XPC: variants seen among roughly 807,000 people sequenced by gnomAD.
XPC encodes DNA repair protein complementing XP-C cells.
Under a neutral mutation model 95.8 loss-of-function variants are expected in XPC, and 76 were observed. The ratio of observed to expected loss-of-function variants is 0.79; its 90% CI spans 0.66 to 0.96. The LOEUF is 0.96. XPC is among the 40% of genes least tolerant of loss of function. The pLI is 0.00. For missense variants in XPC, 1,146 were observed against 1,179.8 expected (o/e 0.97, Z 0.42); for synonymous variants, 442 against 442.1 (o/e 1.00, Z 0.00).
Position 14,148,863 on chromosome 3 carries a change from C to G in XPC, c.2201G>C (p.Gly734Ala), listed in dbSNP as rs181468507. 6.2e-7 allele frequency: 1 copy of G among 1,614,040 alleles called. No homozygotes were observed. Among genetic ancestry groups the G allele is most frequent in the East Asian group, 2.2e-5 (1 of 44,882 alleles). ...CTGATACTCCTCTGTCTGCCAGTAG[C>G]CAAACAGGCCCAGGTCATTTTCTTC... ...LREENDLGLF[G>A]YWQTEEYQPP... Residue 734 changes from glycine to alanine, a missense_variant, in exon 12 of 16, where the codon GGC (glycine) becomes GCC (alanine). Transcript: ENST00000285021.
intron 10 of XPC, among the ~76,000 whole-genome samples, chr3:14,154,433 T>TG (rs1695819182): frequency 6.6e-6 from 1 of 152,036 alleles, no homozygotes; most frequent in Non-Finnish European, 1.5e-5. Context: ...ACAAACAAAA[T>TG]GTGGTCCACC....
In XPC at chr3:14,148,728, G is replaced by A. The variant is rs766223201; in HGVS notation, c.2254C>T (p.Pro752Ser). Residue 752 changes from proline to serine, a missense_variant, in exon 13 of 16, where the codon CCC (proline) becomes TCC (serine). Transcript: ENST00000285021. ...QPPVAVDGKV[P>S]RNEFGNVYLF... ...TACACATTCCCAAACTCGTTCCGGG[G>A]CACCTGTGTCGGGTGAGCAAGTCAG... The A allele has an allele frequency of 6.2e-7, 1 of 1,614,008 alleles. No homozygotes were observed. The highest frequency in any genetic ancestry group is 8.5e-7 in the Non-Finnish European group (1 of 1,179,872).
intron 11 of XPC, among the ~76,000 whole-genome samples, chr3:14,150,242 G>A (rs961241296): frequency 1.1e-4 from 16 of 152,234 alleles, no homozygotes; most frequent in Non-Finnish European, 2.1e-4. Flanking sequence ...AGGCATGGGC[G>A]TGCGGCTGAG....
rs771360965 is a variant in XPC, at chr3:14,178,591, A to C, written c.-23T>G. The C allele has an allele frequency of 1.2e-6, 2 of 1,612,100 alleles. No homozygotes were observed. The highest frequency in any genetic ancestry group is 2.2e-5 in the South Asian group (2 of 91,048). Reference sequence around the variant, plus strand: ...CATGTTGCTTGTCTGGGCAAATTCCACTTCGCGAGTGACGCACCCGGCCGC... The same window carrying C: ...CATGTTGCTTGTCTGGGCAAATTCCCCTTCGCGAGTGACGCACCCGGCCGC... On this transcript the variant is annotated 5_prime_UTR_variant, in exon 1 of 16. Transcript: ENST00000285021.
rs1244244600 is a variant in XPC at position 14,146,151 on chromosome 3, T to G, written c.2613A>C (p.Ala871=). The G allele has an allele frequency of 2.5e-6, 4 of 1,607,442 alleles. No individual in the cohort carries two copies. Among genetic ancestry groups the G allele is most frequent in the Non-Finnish European group, 3.4e-6 (4 of 1,177,964 alleles). The part of the protein sequence containing the change: ...LKRRYGPKSE[A]AAPHTDAGGG... ...CTCCTGCATCTGTGTGGGGAGCTGCTGCCTCACTCTGGACAGGTGGCAGTG... is the reference window on the plus strand; with the variant it reads ...CTCCTGCATCTGTGTGGGGAGCTGCGGCCTCACTCTGGACAGGTGGCAGTG... Residue 871 remains alanine (A), a synonymous_variant, in exon 16 of 16, where the codon GCA becomes GCC. Transcript: ENST00000285021.
In XPC at chr3:14,158,619, GCT is replaced by G. The variant is rs2125026015; in HGVS notation, c.1262_1263del (p.Glu421AlafsTer10). On this transcript the variant is annotated frameshift_variant, in exon 9 of 16. Transcript: ENST00000285021. LOFTEE classifies it high-confidence loss of function. The surrounding 1 kb of genome is among the most constrained non-coding windows in gnomAD (Gnocchi z 5.2). ...TAAGACACCCTGGAGGCCACCCGCC[GCT>G]CCCGGCCATGCGGACGTCGCTGGGT... is the stretch of plus-strand genomic sequence containing the variant. The part of the protein sequence containing the change: ...KATQRRPHGR[E>X]RRVASRVSYK... 7 of 1,613,786 alleles carry G rather than the reference GCT, an allele frequency of 4.3e-6. No homozygotes were observed. Among genetic ancestry groups the G allele is most frequent in the African/African-American group, 1.3e-5 (1 of 75,004 alleles).
chr3:14,165,171 A>G (rs546209647), intron 6 of XPC, among the ~76,000 whole-genome samples: 2 of 152,284 alleles, frequency 1.3e-5, no homozygotes, highest in South Asian at 4.1e-4. Context: ...GTGAGCCTGC[A>G]GTCCCCAGAA....
In XPC at chr3:14,168,329, C is replaced by G; in HGVS notation, c.464G>C (p.Arg155Pro). The G allele has an allele frequency of 6.2e-7, 1 of 1,613,910 alleles. No homozygotes were observed. Among genetic ancestry groups the G allele is most frequent in the Non-Finnish European group, 8.5e-7 (1 of 1,179,846 alleles). Residue 155 changes from arginine (R) to proline (P), a missense_variant, in exon 4 of 16, where the codon CGA becomes CCA. Physicochemically the swap from Arg to Pro is moderately radical, Grantham distance 103. Transcript: ENST00000285021. ...CACTGGCTTCACAGGCAGAAGAGAT[C>G]GAGAGAAGGCTGTACTTTCTCTCAC... Reference protein sequence around the residue: ...GDVRESTAFSRSLLPVKPVEI... With the variant: ...GDVRESTAFSPSLLPVKPVEI...
intron 10 of XPC, 51 bp downstream of exon 10, chr3:14,156,284 A>C (rs1695900013): frequency 1.3e-6 from 2 of 1,575,354 alleles, no homozygotes; most frequent in Non-Finnish European, 1.7e-6. Context: ...GAAGGCTGCT[A>C]ATCCCATGCC....
At chr3:14,165,032 C>A (rs1696319109) in intron 6 of XPC, 99 bp from the exon 7 acceptor site, 5 of 1,473,414 alleles carry the variant, frequency 3.4e-6, no homozygotes, top group Non-Finnish European at 4.5e-6. Context: ...ATCGTGAGAC[C>A]CGCCTGCCTC....
intron 7 of XPC, among the ~76,000 whole-genome samples, chr3:14,163,595 CAG>C (rs529851265): frequency 8.6e-5 from 13 of 151,926 alleles, no homozygotes; most frequent in Non-Finnish European, 1.6e-4. Flanking sequence ...CGAGCAGGGA[CAG>C]GGGGGTAACA....
At chr3:14,149,071 C>T (rs575346415) in intron 11 of XPC, 123 bp from the exon 12 acceptor site, 1 of 1,402,294 alleles carries the variant, frequency 7.1e-7, no homozygotes, top group African/African-American at 1.4e-5. Flanking sequence ...CACCTACCAG[C>T]TGGGGTGCTT....
chr3:14,169,873 G>A (rs1005146539), intron 3 of XPC, among the ~76,000 whole-genome samples: 4 of 152,206 alleles, frequency 2.6e-5, no homozygotes, highest in African/African-American at 9.6e-5. Context: ...ATAAAAAGGT[G>A]AGGAAAAGTC....
intron 1 of XPC, among the ~76,000 whole-genome samples, chr3:14,178,149 GTCT>G (rs1696911937): frequency 1.3e-5 from 2 of 152,254 alleles, no homozygotes; most frequent in African/African-American, 4.8e-5. Context: ...CCGTCCGTCT[GTCT>G]TCCTGGGACA....
intron 8 of XPC, among the ~76,000 whole-genome samples, chr3:14,159,172 T>A (rs892944414): frequency 6.6e-6 from 1 of 152,208 alleles, no homozygotes; most frequent in Non-Finnish European, 1.5e-5. Flanking sequence ...TGGGTCTGAA[T>A]TCCAGTTCTA....
chr3:14,158,481 T>A lies in XPC; in HGVS notation c.1402A>T (p.Arg468Trp). 1 of 1,612,700 alleles carries A rather than the reference T, an allele frequency of 6.2e-7. No individual in the cohort carries two copies. Among genetic ancestry groups the A allele is most frequent in the Non-Finnish European group, 8.5e-7 (1 of 1,179,124 alleles). Reference sequence around the variant, plus strand: ...GTCCTCTGAGGAGCGGGGGCTTTCCTCTGCTTTGGAGGGCCAGGTTCGGAA... The same window carrying A: ...GTCCTCTGAGGAGCGGGGGCTTTCCACTGCTTTGGAGGGCCAGGTTCGGAA... ...EDSEPGPPKQ[R>W]KAPAPQRTKA... The change falls in exon 9 of 16, where the codon AGG becomes TGG. Residue 468 changes from arginine (R) to tryptophan (W), a missense_variant. Transcript: ENST00000285021. This position sits in a 1 kb window ranked among gnomAD's most constrained non-coding sequence, Gnocchi z 5.2.
rs373340911 is a variant in XPC at position 14,178,598 on chromosome 3, G to C, written c.-30C>G. The C allele has an allele frequency of 4.3e-6, 7 of 1,611,522 alleles. No homozygotes were observed. The highest frequency in any genetic ancestry group is 3.3e-5 in the South Asian group (3 of 91,042). On this transcript the variant is annotated 5_prime_UTR_variant, in exon 1 of 16. Coordinates refer to ENST00000285021, the MANE Select transcript of XPC (RefSeq NM_004628.5). ...CTTGTCTGGGCAAATTCCACTTCGCGAGTGACGCACCCGGCCGCGATGCGC... is the reference window on the plus strand; with the variant it reads ...CTTGTCTGGGCAAATTCCACTTCGCCAGTGACGCACCCGGCCGCGATGCGC...
intron 8 of XPC, 111 bp downstream of exon 8, chr3:14,159,630 C>T: frequency 1.8e-6 from 2 of 1,133,168 alleles, no homozygotes; most frequent in Non-Finnish European, 2.6e-6. Context: ...CTCGAAAGAA[C>T]CCACACTCCG....
At chr3:14,161,117 C>T (rs1025394836) in intron 7 of XPC, among the ~76,000 whole-genome samples, 1 of 152,160 alleles carries the variant, frequency 6.6e-6, no homozygotes, top group African/African-American at 2.4e-5. Flanking sequence ...CAGAAACATA[C>T]ATATATGACC....
Sources: gnomAD v4.1 joint callset for allele counts (sites outside exome capture counted in the v4.1 genomes callset) on GRCh38, gnomAD v4.1.1 for gene constraint, Gnocchi (gnomAD v3.1) non-coding constraint, MANE v1.5 for transcripts, NCBI Gene and HGNC (gene_info 2026-07-23, HGNC 2026-07-21) for gene names.